Variants in LSAMP observed in about 807,000 individuals in gnomAD.
LSAMP encodes the protein limbic system-associated membrane protein.
In LSAMP, 7 loss-of-function variants were observed where a neutral mutation model predicts 38.6. The ratio of observed to expected loss-of-function variants is 0.18; its 90% CI spans 0.10 to 0.34. The LOEUF is 0.34. Ranked by LOEUF, LSAMP falls within the 10% of genes least tolerant of loss-of-function variation. LSAMP has a pLI of 1.00. For synonymous variants in LSAMP, 154 were observed against 166.8 expected (o/e 0.92, Z 0.59); for missense variants, 313 against 420.0 (o/e 0.75, Z 2.23).
At chr3:116,439,166 G>T (rs778758922) in intron 1 of LSAMP, among the ~76,000 whole-genome samples, 3 of 152,168 alleles carry the variant, frequency 2.0e-5, no homozygotes, top group Non-Finnish European at 4.4e-5. Context: ...GTATTTTTTA[G>T]AAGTTCCCCA....
chr3:116,107,750 G>A (rs1485035584), intron 1 of LSAMP, among the ~76,000 whole-genome samples: 3 of 152,170 alleles, frequency 2.0e-5, no homozygotes, highest in South Asian at 2.1e-4. Context: ...AAGTGAAAGC[G>A]AAGAGAGGCT....
chr3:116,425,539 T>G (rs1045337404), intron 1 of LSAMP, among the ~76,000 whole-genome samples: 7 of 152,170 alleles, frequency 4.6e-5, no homozygotes, highest in African/African-American at 1.7e-4. Context: ...TCTTCTTCTT[T>G]AAAATGCAGA....
chr3:115,847,488 G>T (rs1350354667), intron 4 of LSAMP, among the ~76,000 whole-genome samples: 1 of 152,150 alleles, frequency 6.6e-6, no homozygotes, highest in Non-Finnish European at 1.5e-5. Flanking sequence ...TTCCAATTTG[G>T]TTGGTGATAT....
chr3:116,134,920 A>G (rs1022739170), intron 1 of LSAMP, among the ~76,000 whole-genome samples: 3 of 152,170 alleles, frequency 2.0e-5, no homozygotes, highest in South Asian at 2.1e-4. Flanking sequence ...CCACATTAAT[A>G]TATCTTTCTG....
chr3:115,987,029 G>C (rs375488813), intron 3 of LSAMP, among the ~76,000 whole-genome samples: 1 of 152,304 alleles, frequency 6.6e-6, no homozygotes, highest in Admixed American at 6.5e-5. Context: ...TGTGGAACTG[G>C]AGGTGTCTGC....
Position 115,807,486 on chromosome 3 carries a change from G to A in LSAMP, c.*2831C>T, listed in dbSNP as rs995247314. ...CATGGCAGACATTTATTTCAATGGA[G>A]AAGTTCCTCCCATGAAACCAAGACC... On this transcript the variant is annotated 3_prime_UTR_variant, in exon 7 of 7. Transcript: ENST00000490035. 1 of 152,160 alleles carries A rather than the reference G, an allele frequency of 6.6e-6. No individual in the cohort carries two copies. Among genetic ancestry groups the A allele is most frequent in the Non-Finnish European group, 1.5e-5 (1 of 68,032 alleles). 9.4% of individuals were successfully genotyped at this position (152,160 alleles called of 1,614,324 possible). A position where few individuals can be genotyped will look rare whatever the true frequency, so the allele number is the denominator to read the frequency against.
chr3:116,130,238 C>A (rs1289266659), intron 1 of LSAMP, among the ~76,000 whole-genome samples: 1 of 152,158 alleles, frequency 6.6e-6, no homozygotes, highest in Admixed American at 6.5e-5. Flanking sequence ...CCCTTATTTA[C>A]AAAATTGTCT....
intron 3 of LSAMP, among the ~76,000 whole-genome samples, chr3:115,854,267 ATTATTATTATTATTATTT>A: frequency 8.3e-6 from 1 of 119,988 alleles, no homozygotes; most frequent in South Asian, 2.6e-4. Flanking sequence ...TATTATTATT[ATTATTATTATTATTATTT>A]TTTTTTTTTT....
chr3:116,231,674 T>C lies in LSAMP; in HGVS notation c.156-145118A>G, dbSNP rs191947799. Among the ~76,000 whole-genome samples, 28 of 152,274 alleles carry C rather than the reference T, an allele frequency of 1.8e-4. No individual in the cohort carries two copies. The East Asian group carries it at 5.4e-3, about 29-fold the overall frequency. On this transcript the variant is annotated intron_variant, in intron 1 of 6. Coordinates refer to ENST00000490035, the MANE Select transcript of LSAMP (RefSeq NM_002338.5). ...AATTAAGGGCTAAAGGCTCTGGCAC[T>C]TGGAGTAAAATAAGAGTTCTGTTAA...
intron 6 of LSAMP, among the ~76,000 whole-genome samples, chr3:115,824,160 G>C (rs140694842): frequency 6.6e-6 from 1 of 152,144 alleles, no homozygotes; most frequent in African/African-American, 2.4e-5. Context: ...TTTAATAAAG[G>C]GGTTTCTCTG....
At chr3:116,032,993 G>A (rs550546929) in intron 2 of LSAMP, among the ~76,000 whole-genome samples, 1 of 152,216 alleles carries the variant, frequency 6.6e-6, no homozygotes, top group East Asian at 1.9e-4. Context: ...TGGGAGATTC[G>A]TTTACTGAAG....
At chr3:115,888,238 A>G (rs1193788192) in intron 3 of LSAMP, among the ~76,000 whole-genome samples, 2 of 152,012 alleles carry the variant, frequency 1.3e-5, no homozygotes, top group African/African-American at 4.8e-5. Flanking sequence ...CAAGACTAAA[A>G]TAAGTAAATG....
intron 1 of LSAMP, among the ~76,000 whole-genome samples, chr3:116,304,803 T>A (rs1003628767): frequency 1.3e-5 from 2 of 152,044 alleles, no homozygotes; most frequent in Non-Finnish European, 2.9e-5. Flanking sequence ...AATACACATG[T>A]GATGCTGAAG....
chr3:115,813,766 G>A (rs1356891007), intron 6 of LSAMP, among the ~76,000 whole-genome samples: 1 of 152,144 alleles, frequency 6.6e-6, no homozygotes, highest in Non-Finnish European at 1.5e-5. Flanking sequence ...TTTCAGGGAA[G>A]AATAATCAGC....
At chr3:116,387,880 T>G (rs2048644903) in intron 1 of LSAMP, among the ~76,000 whole-genome samples, 1 of 151,452 alleles carries the variant, frequency 6.6e-6, no homozygotes, top group African/African-American at 2.4e-5. Flanking sequence ...GATCACAAGG[T>G]CAGGAGATGG....
intron 1 of LSAMP, among the ~76,000 whole-genome samples, chr3:116,183,385 A>G (rs56357456): frequency 0.34 from 51,991 of 151,608 alleles, 10,311 homozygotes; most frequent in African/African-American, 0.56. Context: ...TGACCTTGAA[A>G]AGGTTTTTAA....
In LSAMP at chr3:116,045,541, T is replaced by TAAAAA. The variant is rs10662058; in HGVS notation, c.389-25906_389-25902dup. 2.7e-3 allele frequency among the ~76,000 whole-genome samples: 208 copies of TAAAAA among 75,980 alleles called. 1 individual carries two copies. Among genetic ancestry groups the TAAAAA allele is most frequent in the African/African-American group, 9.6e-3 (195 of 20,228 alleles). The allele number at this position is 75,980 out of a possible 152,430, so 49.8% of individuals were successfully genotyped here. On this transcript the variant is annotated intron_variant, in intron 2 of 6. Transcript: ENST00000490035. ...AATATTTTTCATTGGGTGGAGGTGGTAAAAAAAAAAAAAAAAAAAAAGCCT... is the reference window on the plus strand; with the variant it reads ...AATATTTTTCATTGGGTGGAGGTGGTAAAAAAAAAAAAAAAAAAAAAAAAAAGCCT...
intron 1 of LSAMP, among the ~76,000 whole-genome samples, chr3:116,388,773 C>CCT (rs2048656478): frequency 6.6e-6 from 1 of 152,144 alleles, no homozygotes; most frequent in Non-Finnish European, 1.5e-5. Flanking sequence ...GCTCTTTTCA[C>CCT]CAATCCTATA....
intron 1 of LSAMP, among the ~76,000 whole-genome samples, chr3:116,275,193 C>T (rs1255182865): frequency 1.3e-5 from 2 of 152,036 alleles, no homozygotes; most frequent in Admixed American, 6.6e-5. Flanking sequence ...GCGGAGACTA[C>T]AGGTATGCAC....
Sources: gnomAD v4.1 joint callset for allele counts (sites outside exome capture counted in the v4.1 genomes callset) on GRCh38, gnomAD v4.1.1 for gene constraint, MANE v1.5 for transcripts, NCBI Gene and HGNC (gene_info 2026-07-23, HGNC 2026-07-21) for gene names.